The following CAMSAP1 variants were observed in gnomAD, a reference collection of about 807,000 sequenced individuals.
The protein encoded by CAMSAP1 is calmodulin regulated spectrin associated protein 1.
A neutral mutation model predicts 143.5 loss-of-function variants in CAMSAP1; 58 were observed. The ratio of observed to expected loss-of-function variants is 0.40; its 90% CI spans 0.33 to 0.50. The LOEUF (loss-of-function observed/expected upper bound fraction) is 0.50. CAMSAP1 is among the 20% of genes least tolerant of loss of function. The probability of loss-of-function intolerance (pLI) is 0.45; values close to 1 mark genes in which losing one functional copy is unlikely to be tolerated. For synonymous variants in CAMSAP1, 945 were observed against 859.3 expected (o/e 1.10, Z -1.74); for missense variants, 1,969 against 2,115.7 (o/e 0.93, Z 1.36).
At chr9:135,878,290 G>T (rs188026555) in intron 3 of CAMSAP1, among the ~76,000 whole-genome samples, 1 of 152,178 alleles carries the variant, frequency 6.6e-6, no homozygotes, top group African/African-American at 2.4e-5. Context: ...GGCAGGGGCA[G>T]GACAGAGTCC....
chr9:135,904,561 T>C (rs143326089), intron 1 of CAMSAP1, among the ~76,000 whole-genome samples: 2 of 151,946 alleles, frequency 1.3e-5, no homozygotes, highest in Non-Finnish European at 2.9e-5. Context: ...TCCGAGTCAC[T>C]AGAATTGTAA....
In CAMSAP1 at chr9:135,818,121, C is replaced by A. The variant is rs925213865; in HGVS notation, c.4169-42G>T. The A allele has an allele frequency of 6.3e-7, 1 of 1,591,588 alleles. No homozygotes were observed. Among genetic ancestry groups the A allele is most frequent in the African/African-American group, 1.3e-5 (1 of 74,572 alleles). On this transcript the variant is annotated intron_variant, in intron 13 of 16. Transcript: ENST00000389532. This position sits in a 1 kb window ranked among gnomAD's most constrained non-coding sequence, Gnocchi z 7.7. The stretch of plus-strand genomic sequence containing the variant: ...CAGACGACGGTTCATGAACGGATTC[C>A]GACAGACAAGTACCTGTCCCCTGTA...
chr9:135,865,348 T>C (rs1423327412), intron 4 of CAMSAP1: 3 of 1,550,580 alleles, frequency 1.9e-6, no homozygotes, highest in Admixed American at 2.0e-5. Flanking sequence ...TAACTTCCAA[T>C]ACCACTTGGA....
rs748023151 is a variant in CAMSAP1 at position 135,882,753 on chromosome 9, G to A, written c.423+63C>T. The A allele has an allele frequency of 1.4e-5, 21 of 1,505,462 alleles. No homozygotes were observed. Among genetic ancestry groups the A allele is most frequent in the South Asian group, 3.8e-5 (3 of 78,794 alleles). The allele number at this position is 1,505,462 out of a possible 1,614,324, so 93.3% of individuals were successfully genotyped here. On this transcript the variant is annotated intron_variant, in intron 2 of 16. Transcript: ENST00000389532. The surrounding 1 kb of genome is among the most constrained non-coding windows in gnomAD (Gnocchi z 4.9). ...TTCACACCATCCATGCACCAGGTGC[G>A]CCACACGAGAGCCCACGGCTCCAGA...
At position 135,844,206 on chromosome 9, in the gene CAMSAP1, A is replaced by T. The variant is rs1039450701; in HGVS notation, c.1045+5931T>A. Among the ~76,000 whole-genome samples, 7 of 152,280 alleles carry T rather than the reference A, an allele frequency of 4.6e-5. No individual in the cohort carries two copies. In the East Asian group the frequency reaches 1.2e-3, roughly 25 times the overall value. On this transcript the variant is annotated intron_variant, in intron 7 of 16. Transcript: ENST00000389532. Reference sequence around the variant, plus strand: ...AATTGACCACATAATTGGAAGTAAAACACTCCTCAGCAAATGCCAAAGAAC... The same window carrying T: ...AATTGACCACATAATTGGAAGTAAATCACTCCTCAGCAAATGCCAAAGAAC...
chr9:135,869,025 T>C (rs775074802), intron 3 of CAMSAP1, among the ~76,000 whole-genome samples: 43 of 152,092 alleles, frequency 2.8e-4, no homozygotes, highest in Non-Finnish European at 2.1e-4. Context: ...GACCAAAGCA[T>C]GAAGCTGCAA....
chr9:135,871,207 G>C (rs1032791773), intron 3 of CAMSAP1, among the ~76,000 whole-genome samples: 7 of 152,130 alleles, frequency 4.6e-5, no homozygotes, highest in Admixed American at 4.6e-4. Flanking sequence ...TCTTTATTTT[G>C]AGATGGGGTC....
At chr9:135,832,440 A>G (rs932940868) in intron 7 of CAMSAP1, among the ~76,000 whole-genome samples, 2 of 152,068 alleles carry the variant, frequency 1.3e-5, no homozygotes. Flanking sequence ...ACCATTTATG[A>G]AAAGCCCACA....
intron 1 of CAMSAP1, among the ~76,000 whole-genome samples, chr9:135,896,690 T>C (rs1250807665): frequency 6.6e-6 from 1 of 152,196 alleles, no homozygotes; most frequent in Non-Finnish European, 1.5e-5. Context: ...GGGAAATACA[T>C]AAGACAAAAC....
At chr9:135,837,725 ACAT>A (rs1297433481) in intron 7 of CAMSAP1, among the ~76,000 whole-genome samples, 7 of 134,008 alleles carry the variant, frequency 5.2e-5, no homozygotes, top group African/African-American at 8.7e-5. Flanking sequence ...CTACAGACAC[ACAT>A]CATCATGCAC....
At chr9:135,838,408 A>T (rs1466449540) in intron 7 of CAMSAP1, among the ~76,000 whole-genome samples, 2 of 147,492 alleles carry the variant, frequency 1.4e-5, no homozygotes, top group Admixed American at 1.4e-4. Context: ...GACACACATC[A>T]TCACGCACTT....
At position 135,829,954 on chromosome 9, in the gene CAMSAP1, A is replaced by G. The variant is rs117591307; in HGVS notation, c.1046-2370T>C. 1.0e-3 allele frequency among the ~76,000 whole-genome samples: 153 copies of G among 152,294 alleles called. No individual in the cohort carries two copies. In the East Asian group the frequency reaches 0.014, roughly 14 times the overall value. ...TGGTGGCATTAACTGCACATCATGT[A>G]GAGGAGGGAGGTAAAAGCTGAGAGG... On this transcript the variant is annotated intron_variant, in intron 7 of 16. Coordinates refer to ENST00000389532, the MANE Select transcript of CAMSAP1 (RefSeq NM_015447.4).
rs752025420 is a variant in CAMSAP1, at chr9:135,811,631, G to A, written c.4507-20C>T. On this transcript the variant is annotated intron_variant, in intron 16 of 16. Transcript: ENST00000389532. The surrounding 1 kb of genome is among the most constrained non-coding windows in gnomAD (Gnocchi z 4.9). ...CAGCTCCTGTGCAGAGAGAGAAAAG[G>A]GGAAGAGACAAACACTTCAGGGCCA... The A allele has an allele frequency of 4.9e-5, 77 of 1,563,314 alleles. 2 individuals carry two copies. In the South Asian group the frequency reaches 9.1e-4, roughly 18 times the overall value.
chr9:135,899,983 G>A (rs537707494), intron 1 of CAMSAP1, among the ~76,000 whole-genome samples: 51 of 152,270 alleles, frequency 3.3e-4, no homozygotes, highest in Non-Finnish European at 6.3e-4. Context: ...AAAAGGATAC[G>A]AAGGGCCCCA....
chr9:135,853,777 C>T (rs923103780), intron 5 of CAMSAP1, among the ~76,000 whole-genome samples: 1 of 152,284 alleles, frequency 6.6e-6, no homozygotes, highest in Non-Finnish European at 1.5e-5. Flanking sequence ...GAACCCGCTC[C>T]GTCAGGACAC....
intron 3 of CAMSAP1, among the ~76,000 whole-genome samples, chr9:135,868,673 G>A (rs896435437): frequency 3.5e-5 from 5 of 141,600 alleles, no homozygotes; most frequent in Non-Finnish European, 6.0e-5. Flanking sequence ...GCTGAAGTGC[G>A]GTGGCATGAT....
chr9:135,823,313 C>T (rs1201903918), intron 10 of CAMSAP1, 53 bp from the exon 11 acceptor site: 3 of 1,504,638 alleles, frequency 2.0e-6, no homozygotes, highest in Non-Finnish European at 2.7e-6. Context: ...CCAAAGACCC[C>T]CAACATGGAC....
Position 135,821,723 on chromosome 9 carries a change from C to A in CAMSAP1, c.2938G>T (p.Ala980Ser). 1 of 1,614,010 alleles carries A rather than the reference C, an allele frequency of 6.2e-7. No individual in the cohort carries two copies. The change falls in exon 11 of 17, where the codon GCC becomes TCC. Residue 980 changes from alanine to serine, a missense_variant. Physicochemically the swap from Ala to Ser is moderately conservative, Grantham distance 99 (BLOSUM62 1). Coordinates refer to ENST00000389532, the MANE Select transcript of CAMSAP1 (RefSeq NM_015447.4). The surrounding 1 kb of genome is among the most constrained non-coding windows in gnomAD (Gnocchi z 4.6). ...EPQDVDKESLAFAQQHKAKDP... is the reference protein window; with the variant it reads ...EPQDVDKESLSFAQQHKAKDP... ...TTTGCTTTATGTTGCTGAGCAAAGGCCAGGCTCTCTTTGTCCACATCCTGT... is the reference window on the plus strand; with the variant it reads ...TTTGCTTTATGTTGCTGAGCAAAGGACAGGCTCTCTTTGTCCACATCCTGT...
chr9:135,871,557 T>C (rs1387386326), intron 3 of CAMSAP1, among the ~76,000 whole-genome samples: 3 of 152,198 alleles, frequency 2.0e-5, no homozygotes, highest in African/African-American at 7.2e-5. Flanking sequence ...ATCAACTTAC[T>C]GTTATTTTTA....
Sources: gnomAD v4.1 joint callset for allele counts (sites outside exome capture counted in the v4.1 genomes callset) on GRCh38, gnomAD v4.1.1 for gene constraint, Gnocchi (gnomAD v3.1) non-coding constraint, MANE v1.5 for transcripts, NCBI Gene and HGNC (gene_info 2026-07-23, HGNC 2026-07-21) for gene names.